PPT1: variants seen among roughly 807,000 people sequenced by gnomAD.
The protein encoded by PPT1 is ceroid-palmitoyl-palmitoyl-protein thioesterase 1.
Under a neutral mutation model 44.0 loss-of-function variants are expected in PPT1, and 24 were observed. The observed-to-expected ratio is 0.54, with a 90% CI of 0.39 to 0.77. The LOEUF (loss-of-function observed/expected upper bound fraction) is 0.77, where lower values mean the gene tolerates loss of function less well. Among genes scored for constraint, PPT1 ranks in the 30% least tolerant of loss-of-function variants. The pLI is 0.00. For missense variants in PPT1, 341 were observed against 378.8 expected, an observed-to-expected ratio of 0.90 and a Z score of 0.83; for synonymous variants, 148 against 140.2, an observed-to-expected ratio of 1.06 and a Z score of -0.39.
At chr1:40,092,988 C>T (rs1238857852) in intron 1 of PPT1, among the ~76,000 whole-genome samples, 2 of 152,112 alleles carry the variant, frequency 1.3e-5, no homozygotes, top group East Asian at 3.8e-4. Flanking sequence ...GTTAAACATA[C>T]GATTACTAAA....
At chr1:40,077,098 T>C (rs1648669812) in intron 7 of PPT1, among the ~76,000 whole-genome samples, 185 bp from the exon 8 acceptor site, 1 of 152,204 alleles carries the variant, frequency 6.6e-6, no homozygotes, top group Non-Finnish European at 1.5e-5. Flanking sequence ...GAGGGATGAG[T>C]TAATCTTTCT....
intron 3 of PPT1, among the ~76,000 whole-genome samples, 192 bp from the exon 4 acceptor site, chr1:40,091,591 T>C (rs908927534): frequency 1.3e-5 from 2 of 152,164 alleles, no homozygotes; most frequent in Non-Finnish European, 2.9e-5. Context: ...CAGCCAGGCA[T>C]GGTGGCTCAC....
intron 5 of PPT1, among the ~76,000 whole-genome samples, chr1:40,088,964 C>T (rs938408697): frequency 5.3e-5 from 8 of 151,994 alleles, no homozygotes; most frequent in African/African-American, 1.9e-4. Flanking sequence ...TTTAGGTTTA[C>T]AATGAAATTG....
At position 40,092,078 on chromosome 1, in the gene PPT1, T is replaced by C. The variant is rs142894102; in HGVS notation, c.329A>G (p.Asn110Ser). 303 of 1,613,988 alleles carry C rather than the reference T, an allele frequency of 1.9e-4. No homozygotes were observed. The highest frequency in any genetic ancestry group is 1.2e-3 in the Middle Eastern group (7 of 6,084). Residue 110 changes from asparagine to serine, a missense_variant, in exon 3 of 9, where the codon AAT becomes AGT. Coordinates refer to ENST00000642050, the MANE Select transcript of PPT1 (RefSeq NM_000310.4). ...AKDPKLQQGY[N>S]AMGFSQGGQF... ...GCCTCCCTGGGAGAATCCCATAGCATTGTAGCCTTGCTGCAATTTAGGATC... is the reference window on the plus strand; with the variant it reads ...GCCTCCCTGGGAGAATCCCATAGCACTGTAGCCTTGCTGCAATTTAGGATC...
chr1:40,074,284 T>C lies in PPT1; in HGVS notation c.799-101A>G, dbSNP rs904211348. 38 of 1,447,716 alleles carry C rather than the reference T, an allele frequency of 2.6e-5. No homozygotes were observed. The African/African-American group carries it at 5.0e-4, about 19-fold the overall frequency. The allele number at this position is 1,447,716 out of a possible 1,614,324, so 89.7% of individuals were successfully genotyped here. ...AGATATATTTTCAAAATGCAGTTTGTCCTGAGTATTAAAATTGAGGTGTAT... is the reference window on the plus strand; with the variant it reads ...AGATATATTTTCAAAATGCAGTTTGCCCTGAGTATTAAAATTGAGGTGTAT... On this transcript the variant is annotated intron_variant, in intron 8 of 8. Coordinates refer to ENST00000642050, the MANE Select transcript of PPT1 (RefSeq NM_000310.4).
chr1:40,071,515 G>A (rs754951192), downstream of PPT1: 15 of 1,612,986 alleles, frequency 9.3e-6, no homozygotes, highest in Admixed American at 1.7e-5. Flanking sequence ...TCACCACAGT[G>A]ACAGAAATTG....
chr1:40,090,156 A>G (rs1649477944), intron 4 of PPT1, among the ~76,000 whole-genome samples: 1 of 152,028 alleles, frequency 6.6e-6, no homozygotes. Flanking sequence ...TTTTTTTCCA[A>G]GAGATTGGGT....
intron 7 of PPT1, 143 bp from the exon 8 acceptor site, chr1:40,077,056 G>T: frequency 1.0e-6 from 1 of 992,638 alleles, no homozygotes; most frequent in Non-Finnish European, 1.5e-6. Flanking sequence ...GATAGGGTGC[G>T]TCTGAGTCAT....
intron 1 of PPT1, among the ~76,000 whole-genome samples, chr1:40,095,778 C>T (rs1282040694): frequency 6.6e-6 from 1 of 152,176 alleles, no homozygotes; most frequent in African/African-American, 2.4e-5. Context: ...GCAATAGTTT[C>T]CTAACCTGTC....
intron 5 of PPT1, among the ~76,000 whole-genome samples, chr1:40,081,230 T>G (rs1442347604): frequency 6.6e-6 from 1 of 152,116 alleles, no homozygotes; most frequent in Non-Finnish European, 1.5e-5. Context: ...TCATGAGATC[T>G]GATGGTTTCA....
intron 4 of PPT1, 80 bp downstream of exon 4, chr1:40,091,249 A>T: frequency 7.1e-7 from 1 of 1,405,356 alleles, no homozygotes; most frequent in Non-Finnish European, 1.0e-6. Context: ...TTGTGCAAAT[A>T]TAGTTCCTAG....
At chr1:40,091,851 G>A (rs1208076418) in intron 3 of PPT1, among the ~76,000 whole-genome samples, 194 bp downstream of exon 3, 1 of 141,772 alleles carries the variant, frequency 7.1e-6, no homozygotes, top group African/African-American at 2.6e-5. Flanking sequence ...GGCAACAAGA[G>A]AGAAATTCTG....
rs928111626 is a variant in PPT1, at chr1:40,072,853, A to G, written c.*1208T>C. On this transcript the variant is annotated 3_prime_UTR_variant, in exon 9 of 9. Transcript: ENST00000642050. Reference sequence around the variant, plus strand: ...AAAAACCATAATGGCTAAACTTAGCAGCACCAACACGGTTCTTTCATCAAG... The same window carrying G: ...AAAAACCATAATGGCTAAACTTAGCGGCACCAACACGGTTCTTTCATCAAG... 2 of 152,272 alleles carry G rather than the reference A, an allele frequency of 1.3e-5. No individual in the cohort carries two copies. The highest frequency in any genetic ancestry group is 6.5e-5 in the Admixed American group (1 of 15,280). 9.4% of individuals were successfully genotyped at this position (152,272 alleles called of 1,614,324 possible). A position where few individuals can be genotyped will look rare whatever the true frequency, so the allele number is the denominator to read the frequency against.
chr1:40,079,392 C>CTTTTTTTTTT (rs11464192), intron 6 of PPT1, among the ~76,000 whole-genome samples: 2 of 90,114 alleles, frequency 2.2e-5, no homozygotes, highest in South Asian at 4.3e-4. Flanking sequence ...TTTTCTTTTC[C>CTTTTTTTTTT]TTTTTTTTTT....
chr1:40,079,392 C>CA (rs1557707680), intron 6 of PPT1, among the ~76,000 whole-genome samples: 2 of 90,116 alleles, frequency 2.2e-5, no homozygotes, highest in Non-Finnish European at 3.9e-5. Flanking sequence ...TTTTCTTTTC[C>CA]TTTTTTTTTT....
chr1:40,091,121 A>G (rs1350008069), intron 4 of PPT1, among the ~76,000 whole-genome samples: 1 of 152,236 alleles, frequency 6.6e-6, no homozygotes. Context: ...GGAGAGAAGT[A>G]GATGCCAACC....
intron 4 of PPT1, 33 bp downstream of exon 4, chr1:40,091,296 T>C (rs1425103706): frequency 6.3e-7 from 1 of 1,591,396 alleles, no homozygotes; most frequent in Non-Finnish European, 8.6e-7. Context: ...TGGGTTAGAA[T>C]ACAGAAAAAA....
intron 8 of PPT1, among the ~76,000 whole-genome samples, chr1:40,074,620 A>G (rs1004831132): frequency 8.6e-5 from 13 of 151,792 alleles, no homozygotes; most frequent in African/African-American, 2.9e-4. Flanking sequence ...GGCGCATGCC[A>G]CCATGCCTGG....
At chr1:40,076,562 T>C (rs1282501178) in intron 8 of PPT1, 1 of 967,608 alleles carries the variant, frequency 1.0e-6, no homozygotes, top group Admixed American at 6.2e-5. Context: ...AAAACCTTTT[T>C]ATCAAAAGAA....
Sources: gnomAD v4.1 joint callset for allele counts (sites outside exome capture counted in the v4.1 genomes callset) on GRCh38, gnomAD v4.1.1 for gene constraint, MANE v1.5 for transcripts, NCBI Gene and HGNC (gene_info 2026-07-23, HGNC 2026-07-21) for gene names.